FA2H: variants seen among roughly 807,000 people sequenced by gnomAD.
The protein encoded by FA2H is fatty acid 2-hydroxylase, also known as fatty acid alpha-hydroxylase.
In FA2H, 22 loss-of-function variants were observed where a neutral mutation model predicts 44.9. The observed-to-expected ratio is 0.49, with a 90% CI of 0.35 to 0.70. The LOEUF (loss-of-function observed/expected upper bound fraction) is 0.70. Ranked by LOEUF, FA2H falls within the 30% of genes least tolerant of loss-of-function variation. The probability of loss-of-function intolerance (pLI) is 0.01; values close to 1 mark genes in which losing one functional copy is unlikely to be tolerated. For missense variants in FA2H, 501 were observed against 504.9 expected, an observed-to-expected ratio of 0.99 and a Z score of 0.07; for synonymous variants, 243 against 213.2, an observed-to-expected ratio of 1.14 and a Z score of -1.22.
intron 1 of FA2H, among the ~76,000 whole-genome samples, chr16:74,748,585 T>C (rs1962470584): frequency 2.0e-5 from 3 of 152,080 alleles, no homozygotes; most frequent in Admixed American, 6.5e-5. Flanking sequence ...CGTGGAGGAC[T>C]CTCTGGGAGG....
At chr16:74,716,720 T>G in intron 5 of FA2H, 121 bp from the exon 6 acceptor site, 1 of 1,193,946 alleles carries the variant, frequency 8.4e-7, no homozygotes, top group Non-Finnish European at 1.1e-6. Flanking sequence ...TGCGTAGGCT[T>G]GGCACCTTTG....
intron 4 of FA2H, among the ~76,000 whole-genome samples, chr16:74,721,678 C>T (rs1026682224): frequency 7.9e-5 from 12 of 152,194 alleles, no homozygotes; most frequent in Non-Finnish European, 1.6e-4. Flanking sequence ...GTTCAGCTCC[C>T]TCCCCACTGC....
chr16:74,715,832 T>C (rs7197291), intron 6 of FA2H, among the ~76,000 whole-genome samples: 2 of 148,380 alleles, frequency 1.3e-5, no homozygotes, highest in African/African-American at 5.2e-5. Context: ...TTTTTTTTTT[T>C]ATAGACAGAG....
At chr16:74,772,185 T>C (rs1962922752) in intron 1 of FA2H, among the ~76,000 whole-genome samples, 1 of 152,166 alleles carries the variant, frequency 6.6e-6, no homozygotes, top group Non-Finnish European at 1.5e-5. Flanking sequence ...CTGGCCACGT[T>C]GGTTTTATTT....
chr16:74,725,953 A>ATC (rs149369715), intron 4 of FA2H: 18 of 436,820 alleles, frequency 4.1e-5, no homozygotes, highest in Admixed American at 1.7e-4. Flanking sequence ...GAGGCACTCA[A>ATC]TCTCTCTCTC....
intron 1 of FA2H, among the ~76,000 whole-genome samples, chr16:74,760,262 G>C (rs1436395976): frequency 6.6e-6 from 1 of 152,148 alleles, no homozygotes. Context: ...GAGCATGCTG[G>C]GAGCCACAAA....
chr16:74,759,818 C>A (rs6564166), intron 1 of FA2H, among the ~76,000 whole-genome samples: 80,277 of 152,004 alleles, frequency 0.53, 21,884 homozygotes, highest in African/African-American at 0.65. Context: ...GCATCTTGGA[C>A]AGGAGAAGCA....
intron 1 of FA2H, among the ~76,000 whole-genome samples, chr16:74,751,341 C>T (rs1962522815): frequency 6.6e-6 from 1 of 152,172 alleles, no homozygotes; most frequent in African/African-American, 2.4e-5. Context: ...GGCGACCCAC[C>T]CGCCTTGGCC....
At chr16:74,766,072 C>T (rs963362111) in intron 1 of FA2H, among the ~76,000 whole-genome samples, 5 of 152,036 alleles carry the variant, frequency 3.3e-5, no homozygotes, top group African/African-American at 1.2e-4. Flanking sequence ...CTTTGGGAGG[C>T]CGAGGCAGGT....
chr16:74,733,118 G>A (rs1219541986), intron 2 of FA2H, among the ~76,000 whole-genome samples: 2 of 152,214 alleles, frequency 1.3e-5, no homozygotes, highest in Non-Finnish European at 2.9e-5. Flanking sequence ...CCTACGCTGT[G>A]TCTCCACGAG....
intron 4 of FA2H, among the ~76,000 whole-genome samples, chr16:74,719,950 C>T (rs1039160844): frequency 6.6e-6 from 1 of 151,882 alleles, no homozygotes; most frequent in African/African-American, 2.4e-5. Flanking sequence ...CAGACAAGAC[C>T]TGAAATCATA....
Position 74,716,421 on chromosome 16 carries a change from G to A in FA2H, c.965C>T (p.Ser322Leu), listed in dbSNP as rs373010581. 31 of 1,614,012 alleles carry A rather than the reference G, an allele frequency of 1.9e-5. No individual in the cohort carries two copies. The highest frequency in any genetic ancestry group is 1.1e-4 in the South Asian group (10 of 91,076). Residue 322 changes from serine (S) to leucine (L), a missense_variant, in exon 6 of 7, where the codon TCG becomes TTG. Physicochemically the swap from Ser to Leu is moderately radical, Grantham distance 145. Coordinates refer to ENST00000219368, the MANE Select transcript of FA2H (RefSeq NM_024306.5). The part of the protein sequence containing the change: ...DMTHYYLHFG[S>L]PHKGSYLYSL... The stretch of plus-strand genomic sequence containing the variant: ...GTACAGGTAGGAGCCCTTGTGCGGC[G>A]AGCCAAAGTGCAGGTAGTAATGGGT...
chr16:74,767,879 A>C (rs1486183760), intron 1 of FA2H, among the ~76,000 whole-genome samples: 1 of 152,194 alleles, frequency 6.6e-6, no homozygotes, highest in Non-Finnish European at 1.5e-5. Context: ...AGGTGAAGAA[A>C]GTGTACTGGA....
chr16:74,720,066 G>A (rs999493374), intron 4 of FA2H, among the ~76,000 whole-genome samples: 6 of 151,130 alleles, frequency 4.0e-5, no homozygotes, highest in Non-Finnish European at 7.4e-5. Context: ...ACCACCCTCC[G>A]GAGACAGCCT....
intron 1 of FA2H, among the ~76,000 whole-genome samples, chr16:74,764,523 T>G (rs1962770703): frequency 6.6e-6 from 1 of 151,958 alleles, no homozygotes; most frequent in South Asian, 2.1e-4. Flanking sequence ...ATGATGAGAA[T>G]TTATGGACAC....
At chr16:74,740,799 G>A (rs1441586914) in intron 1 of FA2H, among the ~76,000 whole-genome samples, 2 of 152,102 alleles carry the variant, frequency 1.3e-5, no homozygotes, top group African/African-American at 4.8e-5. Context: ...TCTCCTTCAG[G>A]TCCCTGGCAG....
intron 2 of FA2H, among the ~76,000 whole-genome samples, chr16:74,732,490 G>T (rs566624430): frequency 1.3e-5 from 2 of 151,802 alleles, no homozygotes; most frequent in South Asian, 4.2e-4. Context: ...AGGCTGGAGT[G>T]CAGTGGTGTG....
At chr16:74,718,856 A>G in intron 5 of FA2H, 132 bp downstream of exon 5, 2 of 1,098,766 alleles carry the variant, frequency 1.8e-6, no homozygotes, top group Admixed American at 4.0e-5. Flanking sequence ...CGTGAGTCAC[A>G]TCAAACGTCC....
At chr16:74,733,016 C>T (rs1310692259) in intron 2 of FA2H, among the ~76,000 whole-genome samples, 1 of 152,236 alleles carries the variant, frequency 6.6e-6, no homozygotes, top group African/African-American at 2.4e-5. Flanking sequence ...GCCACCTGTA[C>T]ACATGGTGGA....
Sources: allele counts gnomAD v4.1 joint callset (sites outside exome capture counted in the v4.1 genomes callset), GRCh38; gene constraint gnomAD v4.1.1; transcripts MANE v1.5; gene names NCBI Gene and HGNC (gene_info 2026-07-23, HGNC 2026-07-21).